The following TXNRD3 variants were observed in gnomAD, a reference collection of about 807,000 sequenced individuals.
TXNRD3 encodes TXNRD3 neighbor gene protein.
Under a neutral mutation model 78.2 loss-of-function variants are expected in TXNRD3, and 68 were observed. That is an observed-to-expected ratio of 0.87 (90% CI 0.72 to 1.06). TXNRD3 has a LOEUF of 1.06. TXNRD3 is among the 50% of genes least tolerant of loss of function. The probability of loss-of-function intolerance (pLI) is 0.00; values close to 1 mark genes in which losing one functional copy is unlikely to be tolerated. For synonymous variants in TXNRD3, 296 were observed against 300.1 expected, an observed-to-expected ratio of 0.99 and a Z score of 0.14; for missense variants, 751 against 809.5, an observed-to-expected ratio of 0.93 and a Z score of 0.88.
intron 6 of TXNRD3, among the ~76,000 whole-genome samples, chr3:126,634,843 T>C (rs1429869180): frequency 6.6e-6 from 1 of 152,104 alleles, no homozygotes; most frequent in African/African-American, 2.4e-5. Context: ...AATTACCCCA[T>C]CTATCACTGT....
At chr3:126,613,033 T>C (rs1938233619) in intron 13 of TXNRD3, among the ~76,000 whole-genome samples, 2 of 152,242 alleles carry the variant, frequency 1.3e-5, no homozygotes, top group African/African-American at 4.8e-5. Context: ...TAACATTTCA[T>C]ATTTAATTAG....
rs916831906 is a variant in TXNRD3 at position 126,621,792 on chromosome 3, G to A, written c.1474C>T (p.Gln492Ter). 1 of 1,533,706 alleles carries A rather than the reference G, an allele frequency of 6.5e-7. No individual in the cohort carries two copies. The highest frequency in any genetic ancestry group is 1.4e-5 in the African/African-American group (1 of 72,946). The change falls in exon 12 of 16, where the codon CAG becomes TAG. Residue 492 changes from glutamine to a stop codon, truncating the protein, a stop_gained. Coordinates refer to ENST00000524230, the MANE Select transcript of TXNRD3 (RefSeq NM_052883.3). LOFTEE classifies it high-confidence loss of function. ...CTCTGAGCTAGCAGCTTGCCTGACT[G>A]TATGGCGACAGGAGTGAGCTCTGGC...
intron 12 of TXNRD3, among the ~76,000 whole-genome samples, chr3:126,619,154 G>C (rs9844472): frequency 0.039 from 5,945 of 152,228 alleles, 254 homozygotes; most frequent in South Asian, 0.2. Context: ...ACACAGTATG[G>C]AGGGTCTTCA....
chr3:126,654,146 A>G (rs574562878), intron 1 of TXNRD3, among the ~76,000 whole-genome samples: 13 of 152,330 alleles, frequency 8.5e-5, no homozygotes, highest in African/African-American at 3.1e-4. Context: ...TGCATAATAT[A>G]TGTTTTAAGA....
chr3:126,612,283 C>A (rs905038714), intron 13 of TXNRD3, among the ~76,000 whole-genome samples: 2 of 152,178 alleles, frequency 1.3e-5, no homozygotes, highest in Non-Finnish European at 2.9e-5. Context: ...AGTGACCCAC[C>A]TGCCTCAGCC....
At chr3:126,610,818 T>C (rs551861287) in intron 14 of TXNRD3, among the ~76,000 whole-genome samples, 2 of 152,256 alleles carry the variant, frequency 1.3e-5, no homozygotes, top group Admixed American at 1.3e-4. Context: ...TGCTCTGCAT[T>C]GTCCTGAAAG....
At chr3:126,647,336 A>T in intron 1 of TXNRD3, 40 bp from the exon 2 acceptor site, 1 of 1,358,974 alleles carries the variant, frequency 7.4e-7, no homozygotes, top group Non-Finnish European at 1.0e-6. Flanking sequence ...CTCAGAAAAG[A>T]TTCAACAGCT....
intron 5 of TXNRD3, 98 bp from the exon 6 acceptor site, chr3:126,642,249 G>C (rs1933108605): frequency 1.5e-6 from 2 of 1,364,342 alleles, no homozygotes; most frequent in Non-Finnish European, 1.9e-6. Context: ...CAAGCTCAAT[G>C]GTGGGGGGGA....
chr3:126,652,711 G>A (rs1933418571), intron 1 of TXNRD3, among the ~76,000 whole-genome samples: 1 of 152,156 alleles, frequency 6.6e-6, no homozygotes, highest in Non-Finnish European at 1.5e-5. Flanking sequence ...GCAATGGGAT[G>A]GTGTCCCAGC....
At chr3:126,639,002 T>C (rs1256739345) in intron 6 of TXNRD3, among the ~76,000 whole-genome samples, 1 of 152,186 alleles carries the variant, frequency 6.6e-6, no homozygotes, top group African/African-American at 2.4e-5. Context: ...CACACAGGTC[T>C]GATATCATCC....
At chr3:126,617,516 C>T (rs1938344122) in intron 12 of TXNRD3, among the ~76,000 whole-genome samples, 1 of 152,166 alleles carries the variant, frequency 6.6e-6, no homozygotes, top group African/African-American at 2.4e-5. Flanking sequence ...TGAAGCAAAG[C>T]AGAACATGGC....
At chr3:126,633,374 A>G (rs1476215197) in intron 7 of TXNRD3, among the ~76,000 whole-genome samples, 8 of 152,214 alleles carry the variant, frequency 5.3e-5, no homozygotes, top group Non-Finnish European at 1.2e-4. Flanking sequence ...AAAATAAACT[A>G]GATGATGAGG....
At chr3:126,624,811 T>G (rs1051310336) in intron 10 of TXNRD3, 3 of 194,822 alleles carry the variant, frequency 1.5e-5, no homozygotes, top group Non-Finnish European at 3.4e-5. Context: ...GCACGTATGC[T>G]CTATACAATC....
intron 10 of TXNRD3, among the ~76,000 whole-genome samples, chr3:126,626,779 A>G (rs940385628): frequency 6.6e-6 from 1 of 152,186 alleles, no homozygotes; most frequent in Non-Finnish European, 1.5e-5. Context: ...ACTCCTAGGT[A>G]TTTGTCAAAG....
chr3:126,607,988 G>T lies in TXNRD3; in HGVS notation c.1864-15C>A, dbSNP rs926820523. On this transcript the variant is annotated splice_polypyrimidine_tract_variant and intron_variant, in intron 15 of 15. Transcript: ENST00000524230. ...GTCGTGAACACCTGTTCAAGAGAAA[G>T]AAAACAAATACATATTTAGATGTTA... The T allele has an allele frequency of 6.8e-7, 1 of 1,476,132 alleles. No individual in the cohort carries two copies. The highest frequency in any genetic ancestry group is 2.1e-5 in the Admixed American group (1 of 48,412). The allele number at this position is 1,476,132 out of a possible 1,614,324, so 91.4% of individuals were successfully genotyped here. A position where few individuals can be genotyped will look rare whatever the true frequency, so the allele number is the denominator to read the frequency against.
intron 7 of TXNRD3, among the ~76,000 whole-genome samples, chr3:126,633,290 T>G (rs907783067): frequency 2.0e-5 from 3 of 152,204 alleles, no homozygotes; most frequent in Non-Finnish European, 4.4e-5. Flanking sequence ...CTCACACATT[T>G]CTGAGATAAC....
intron 5 of TXNRD3, among the ~76,000 whole-genome samples, chr3:126,642,546 T>C (rs1933120624): frequency 6.6e-6 from 1 of 152,234 alleles, no homozygotes; most frequent in South Asian, 2.1e-4. Flanking sequence ...CCTGGTCACA[T>C]TTACTCTGAG....
chr3:126,615,221 C>T, intron 13 of TXNRD3, 134 bp downstream of exon 13: 1 of 470,978 alleles, frequency 2.1e-6, no homozygotes, highest in South Asian at 3.7e-5. Flanking sequence ...CCTAATTTTC[C>T]TAAAATAGGA....
chr3:126,633,157 TA>T (rs1938764286), intron 7 of TXNRD3, among the ~76,000 whole-genome samples: 1 of 152,182 alleles, frequency 6.6e-6, no homozygotes. Flanking sequence ...TAACAACCGT[TA>T]AACCTAGGAA....
Sources: gnomAD v4.1 joint callset for allele counts (sites outside exome capture counted in the v4.1 genomes callset) on GRCh38, gnomAD v4.1.1 for gene constraint, MANE v1.5 for transcripts, NCBI Gene and HGNC (gene_info 2026-07-23, HGNC 2026-07-21) for gene names.